SOX30: variants seen among roughly 807,000 people sequenced by gnomAD.
SOX30 encodes the protein transcription factor SOX-30.
SOX30 carries 17 observed loss-of-function variants against 58.6 expected under a neutral mutation model. The observed-to-expected ratio is 0.29, with a 90% confidence interval of 0.20 to 0.44. SOX30 has a LOEUF of 0.44. Ranked by LOEUF, SOX30 falls within the 20% of genes least tolerant of loss-of-function variation. The pLI is 1.00. For missense variants in SOX30, 951 were observed against 965.8 expected, an observed-to-expected ratio of 0.98 and a Z score of 0.20; for synonymous variants, 421 against 400.2, an observed-to-expected ratio of 1.05 and a Z score of -0.62.
At chr5:157,633,453 T>C (rs1025988077) in intron 4 of SOX30, among the ~76,000 whole-genome samples, 3 of 152,230 alleles carry the variant, frequency 2.0e-5, no homozygotes, top group African/African-American at 4.8e-5. Flanking sequence ...AGTTCCTTGC[T>C]GGGGAGTTCA....
At chr5:157,638,200 T>C (rs371160639) in intron 4 of SOX30, 30 bp downstream of exon 4, 206 of 1,505,130 alleles carry the variant, frequency 1.4e-4, no homozygotes, top group Non-Finnish European at 1.7e-4. Flanking sequence ...GCTGAATGTT[T>C]AGGTAAAAGG....
intron 4 of SOX30, among the ~76,000 whole-genome samples, chr5:157,633,670 C>T (rs1310820816): frequency 2.6e-5 from 4 of 152,140 alleles, no homozygotes; most frequent in Non-Finnish European, 5.9e-5. Flanking sequence ...GGGTCTCTGA[C>T]CCAAACAAAG....
chr5:157,643,375 G>A (rs537432413), intron 3 of SOX30, among the ~76,000 whole-genome samples: 32 of 152,180 alleles, frequency 2.1e-4, no homozygotes, highest in African/African-American at 6.0e-4. Context: ...AGCTGAGGTC[G>A]CGCCACTGCA....
At chr5:157,655,816 AG>A (rs1759460630), upstream of SOX30, among the ~76,000 whole-genome samples, 1 of 152,220 alleles carries the variant, frequency 6.6e-6, no homozygotes, top group Non-Finnish European at 1.5e-5. Context: ...GATTAATGGA[AG>A]AAAGGATTTG....
chr5:157,651,878 C>A lies in SOX30; in HGVS notation c.201G>T (p.Val67=). ...CTGGCTTCACCTGCAGCAGCCGCCG[C>A]ACCGCGGGCTGTAAGCCGGACGCCA... is the stretch of plus-strand genomic sequence containing the variant. ...EAVASGLQPA[V]RRLLQVKPEQ... is the part of the protein sequence containing the mutation. Residue 67 remains valine (V), a synonymous_variant, in exon 1 of 5, where the codon GTG becomes GTT. Transcript: ENST00000265007. 6.4e-7 allele frequency: 1 copy of A among 1,553,392 alleles called. No homozygotes were observed.
At chr5:157,643,385 A>C (rs991284207) in intron 3 of SOX30, among the ~76,000 whole-genome samples, 3 of 152,154 alleles carry the variant, frequency 2.0e-5, no homozygotes, top group Non-Finnish European at 4.4e-5. Context: ...GCGCCACTGC[A>C]CTCCAGCGTG....
In SOX30 at chr5:157,667,649, G is replaced by A. The variant is rs1010576319; in HGVS notation, c.52+149C>T. 3.8e-6 allele frequency: 4 copies of A among 1,041,316 alleles called. No homozygotes were observed. In the African/African-American group the frequency reaches 6.6e-5, roughly 17 times the overall value. 64.5% of individuals were successfully genotyped at this position (1,041,316 alleles called of 1,614,324 possible). A position where few individuals can be genotyped will look rare whatever the true frequency, so the allele number is the denominator to read the frequency against. On this transcript the variant is annotated intron_variant, in intron 2 of 5. Coordinates refer to the SOX30 transcript ENST00000519442. ...CTTTACTCTGGAGGCTGAGGCAGGA[G>A]AACCACTTGAACCCAGGTCGCAGAG...
At position 157,652,066 on chromosome 5, in the gene SOX30, T is replaced by C. The variant is rs1285443944; in HGVS notation, c.13A>G (p.Arg5Gly). MERA[R>G]PEPPPQPRPL... ...CGCGGCTGAGGCGGCGGCTCGGGTCTGGCTCTCTCCATGGGGGAGGGGGAC... is the reference window on the plus strand; with the variant it reads ...CGCGGCTGAGGCGGCGGCTCGGGTCCGGCTCTCTCCATGGGGGAGGGGGAC... Residue 5 changes from arginine to glycine, a missense_variant, in exon 1 of 5, where the codon AGA (arginine) becomes GGA (glycine). Arg to Gly is a moderately radical substitution (Grantham distance 125). This residue lies in a region of SOX30 where 363 missense variants were observed against 294.5 expected (regional missense o/e 1.23). Transcript: ENST00000265007. 2 of 1,418,162 alleles carry C rather than the reference T, an allele frequency of 1.4e-6. No individual in the cohort carries two copies. Among genetic ancestry groups the C allele is most frequent in the East Asian group, 5.4e-5 (2 of 36,844 alleles). The allele number at this position is 1,418,162 out of a possible 1,614,324, so 87.8% of individuals were successfully genotyped here.
At chr5:157,662,433 A>G (rs889262562) in intron 2 of SOX30, among the ~76,000 whole-genome samples, 5 of 151,976 alleles carry the variant, frequency 3.3e-5, no homozygotes, top group African/African-American at 1.2e-4. Flanking sequence ...TAATTTTTCT[A>G]GGTTATTGAA....
chr5:157,630,999 T>G (rs1581388150), intron 4 of SOX30, among the ~76,000 whole-genome samples: 2 of 134,904 alleles, frequency 1.5e-5, no homozygotes, highest in East Asian at 2.0e-4. Flanking sequence ...TATATATATT[T>G]TTTATATATA....
chr5:157,652,477 C>CA (rs1759385400), upstream of SOX30: 3 of 730,906 alleles, frequency 4.1e-6, no homozygotes, highest in Admixed American at 6.2e-5. Context: ...AGGCCGCTGA[C>CA]ATCCAGGGAA....
At chr5:157,636,983 A>T (rs187029411) in intron 4 of SOX30, among the ~76,000 whole-genome samples, 13 of 152,178 alleles carry the variant, frequency 8.5e-5, no homozygotes, top group African/African-American at 2.2e-4. Context: ...CACAAAAAAA[A>T]TTAGCCAGGC....
Position 157,651,765 on chromosome 5 carries a change from G to T in SOX30, c.314C>A (p.Pro105His). The T allele has an allele frequency of 6.4e-7, 1 of 1,558,284 alleles. No individual in the cohort carries two copies. Among genetic ancestry groups the T allele is most frequent in the East Asian group, 2.4e-5 (1 of 41,810 alleles). Residue 105 changes from proline (P) to histidine (H), a missense_variant, in exon 1 of 5, where the codon CCC (proline) becomes CAC (histidine). Around this residue, in one of 7 missense-constraint regions of SOX30, gnomAD observed 363 missense variants for 294.5 expected, o/e 1.23. Transcript: ENST00000265007. The stretch of plus-strand genomic sequence containing the variant: ...CGGCGGCTGCAGGAGCCGCAGGTCG[G>T]GCCTGAACTGCAACAGCCGCGCCTG... ...SAQARLLQFR[P>H]DLRLLQPPTA...
At chr5:157,631,053 A>ATATATATACAATATATATATTT (rs1561578500) in intron 4 of SOX30, among the ~76,000 whole-genome samples, 35 of 45,790 alleles carry the variant, frequency 7.6e-4, no homozygotes, top group Non-Finnish European at 1.4e-3. Flanking sequence ...TATTTTATAT[A>ATATATATACAATATATATATTT]TATATATATA....
chr5:157,658,620 A>T (rs1759524741), intron 2 of SOX30, among the ~76,000 whole-genome samples: 1 of 152,112 alleles, frequency 6.6e-6, no homozygotes, highest in Non-Finnish European at 1.5e-5. Context: ...AATACAAGAG[A>T]CTCTCATAGT....
At chr5:157,645,736 G>T (rs917071816) in intron 3 of SOX30, among the ~76,000 whole-genome samples, 1 of 151,770 alleles carries the variant, frequency 6.6e-6, no homozygotes, top group African/African-American at 2.4e-5. Context: ...AACATGTTCT[G>T]GGGGCCAGGC....
chr5:157,637,610 C>T (rs1758960890), intron 4 of SOX30, among the ~76,000 whole-genome samples: 1 of 152,190 alleles, frequency 6.6e-6, no homozygotes, highest in African/African-American at 2.4e-5. Flanking sequence ...CCCCTCTATA[C>T]AATAAGTACA....
At chr5:157,660,463 A>G (rs899033767) in intron 2 of SOX30, among the ~76,000 whole-genome samples, 1 of 149,460 alleles carries the variant, frequency 6.7e-6, no homozygotes, top group Non-Finnish European at 1.5e-5. Context: ...GTAAAGTAAA[A>G]TAAAATAAAA....
chr5:157,656,288 A>C (rs1443344310), upstream of SOX30, among the ~76,000 whole-genome samples: 1 of 152,232 alleles, frequency 6.6e-6, no homozygotes, highest in Non-Finnish European at 1.5e-5. Flanking sequence ...CATGTGACTT[A>C]AGTAATCTTT....
Sources: allele counts gnomAD v4.1 joint callset (sites outside exome capture counted in the v4.1 genomes callset), GRCh38; gene constraint gnomAD v4.1.1; regional missense constraint gnomAD v4.1.1; transcripts MANE v1.5; gene names NCBI Gene and HGNC (gene_info 2026-07-23, HGNC 2026-07-21).